ETV1: variants seen among roughly 807,000 people sequenced by gnomAD.
The protein encoded by ETV1 is ETS translocation variant 1.
A neutral mutation model predicts 62.3 loss-of-function variants in ETV1; 27 were observed. The ratio of observed to expected loss-of-function variants is 0.43; its 90% CI spans 0.32 to 0.60. The LOEUF (loss-of-function observed/expected upper bound fraction) is 0.60, where lower values mean the gene tolerates loss of function less well. Ranked by LOEUF, ETV1 falls within the 20% of genes least tolerant of loss-of-function variation. ETV1 has a pLI of 0.06. For synonymous variants in ETV1, 222 were observed against 199.6 expected, an observed-to-expected ratio of 1.11 and a Z score of -0.94; for missense variants, 605 against 605.8, an observed-to-expected ratio of 1.00 and a Z score of 0.01.
At chr7:13,948,498 C>T (rs1204502137) in intron 6 of ETV1, among the ~76,000 whole-genome samples, 1 of 152,108 alleles carries the variant, frequency 6.6e-6, no homozygotes, top group East Asian at 1.9e-4. Flanking sequence ...TTAGAATAGT[C>T]TTCTGTATGC....
At chr7:13,984,443 C>G (rs1399802631) in intron 5 of ETV1, among the ~76,000 whole-genome samples, 1 of 151,760 alleles carries the variant, frequency 6.6e-6, no homozygotes, top group African/African-American at 2.4e-5. Context: ...GTTAAAATAT[C>G]AGTGCAAAAT....
At position 13,895,835 on chromosome 7, in the gene ETV1, G is replaced by A. The variant is rs201226100; in HGVS notation, c.*31C>T. On this transcript the variant is annotated 3_prime_UTR_variant, in exon 14 of 14. Coordinates refer to ENST00000430479, the MANE Select transcript of ETV1 (RefSeq NM_004956.5). ...GTATCTTGCAGAAAAAAGGAAAAGCGCAAAAACGCCCTGCTTGACTGTCAC... is the reference window on the plus strand; with the variant it reads ...GTATCTTGCAGAAAAAAGGAAAAGCACAAAAACGCCCTGCTTGACTGTCAC... 4.2e-5 allele frequency: 64 copies of A among 1,525,700 alleles called. No homozygotes were observed. The East Asian group carries it at 5.7e-4, about 14-fold the overall frequency. The allele number at this position is 1,525,700 out of a possible 1,614,324, so 94.5% of individuals were successfully genotyped here.
At position 13,892,756 on chromosome 7, in the gene ETV1, A is replaced by T; in HGVS notation, c.*3110T>A. ...GACTATAGTAGAAGAGTATGTGACCATGGAAGCAGAGATTGAAGTGATGTA... is the reference window on the plus strand; with the variant it reads ...GACTATAGTAGAAGAGTATGTGACCTTGGAAGCAGAGATTGAAGTGATGTA... On this transcript the variant is annotated 3_prime_UTR_variant, in exon 14 of 14. Coordinates refer to ENST00000430479, the MANE Select transcript of ETV1 (RefSeq NM_004956.5). 1 of 232,300 alleles carries T rather than the reference A, an allele frequency of 4.3e-6. No individual in the cohort carries two copies. The highest frequency in any genetic ancestry group is 8.5e-6 in the Non-Finnish European group (1 of 117,464). The allele number at this position is 232,300 out of a possible 1,614,324, so 14.4% of individuals were successfully genotyped here. A position where few individuals can be genotyped will look rare whatever the true frequency, so the allele number is the denominator to read the frequency against.
At chr7:13,979,317 T>C (rs74982061) in intron 5 of ETV1, among the ~76,000 whole-genome samples, 4,448 of 152,104 alleles carry the variant, frequency 0.029, 91 homozygotes, top group Non-Finnish European at 0.046. Flanking sequence ...TTTCAAGTCA[T>C]CCACAAAAAA....
chr7:13,952,046 A>AAAAT (rs79453893), intron 6 of ETV1, among the ~76,000 whole-genome samples: 230 of 152,032 alleles, frequency 1.5e-3, no homozygotes, highest in Non-Finnish European at 1.8e-3. Flanking sequence ...CACTAAGAGC[A>AAAAT]AAATAAATAA....
chr7:13,935,368 G>C (rs1786682928), intron 8 of ETV1, among the ~76,000 whole-genome samples: 1 of 152,120 alleles, frequency 6.6e-6, no homozygotes, highest in Non-Finnish European at 1.5e-5. Context: ...TACAGAACAA[G>C]TACACACATA....
rs1035456888 is a variant in ETV1 at position 13,893,246 on chromosome 7, T to C, written c.*2620A>G. 7.3e-5 allele frequency: 17 copies of C among 232,242 alleles called. No individual in the cohort carries two copies. Among genetic ancestry groups the C allele is most frequent in the African/African-American group, 2.6e-4 (12 of 45,298 alleles). The allele number at this position is 232,242 out of a possible 1,614,324, so 14.4% of individuals were successfully genotyped here. On this transcript the variant is annotated 3_prime_UTR_variant, in exon 14 of 14. Transcript: ENST00000430479. Reference sequence around the variant, plus strand: ...TTCTATGTTTGAGTAGCCAATTCAATGAGAAATTCAAAACACAAGAATCTT... The same window carrying C: ...TTCTATGTTTGAGTAGCCAATTCAACGAGAAATTCAAAACACAAGAATCTT...
At chr7:13,897,177 T>C (rs1326284639) in intron 13 of ETV1, among the ~76,000 whole-genome samples, 1 of 152,144 alleles carries the variant, frequency 6.6e-6, no homozygotes, top group Non-Finnish European at 1.5e-5. Flanking sequence ...TGAATACAGT[T>C]CTTTCTATTA....
At position 13,945,233 on chromosome 7, in the gene ETV1, C is replaced by G. The variant is rs1316043867; in HGVS notation, c.236-5987G>C. ...TGCTCATAATTGAGCAAATTTGAATCCACTGTGATCTGATGTATGCCGCAT... is the reference window on the plus strand; with the variant it reads ...TGCTCATAATTGAGCAAATTTGAATGCACTGTGATCTGATGTATGCCGCAT... On this transcript the variant is annotated intron_variant, in intron 6 of 13. Transcript: ENST00000430479. Among the ~76,000 whole-genome samples, 3 of 152,258 alleles carry G rather than the reference C, an allele frequency of 2.0e-5. No homozygotes were observed. In the East Asian group the frequency reaches 5.8e-4, roughly 29 times the overall value.
At chr7:13,970,251 A>G (rs1001817920) in intron 6 of ETV1, among the ~76,000 whole-genome samples, 1 of 145,358 alleles carries the variant, frequency 6.9e-6, no homozygotes, top group Non-Finnish European at 1.5e-5. Flanking sequence ...ACAGAGCGAG[A>G]CCCCATCTCA....
At chr7:13,975,507 G>A (rs796747367) in intron 6 of ETV1, among the ~76,000 whole-genome samples, 24 of 146,746 alleles carry the variant, frequency 1.6e-4, no homozygotes, top group African/African-American at 4.8e-4. Context: ...AGCTTGCAGT[G>A]AGCCAAGATT....
At chr7:13,922,026 T>C (rs1431961913) in intron 9 of ETV1, among the ~76,000 whole-genome samples, 1 of 152,184 alleles carries the variant, frequency 6.6e-6, no homozygotes, top group East Asian at 1.9e-4. Context: ...CTAACTTCCA[T>C]TATTCAATAT....
intron 6 of ETV1, among the ~76,000 whole-genome samples, chr7:13,959,389 A>C (rs958121253): frequency 6.6e-6 from 1 of 152,166 alleles, no homozygotes; most frequent in African/African-American, 2.4e-5. Context: ...TAGTCCCAGC[A>C]TATGCTTCCC....
chr7:13,917,741 G>T (rs990237468), intron 9 of ETV1, among the ~76,000 whole-genome samples: 1 of 152,092 alleles, frequency 6.6e-6, no homozygotes, highest in Non-Finnish European at 1.5e-5. Flanking sequence ...AAGGTGGGTG[G>T]ATCATGAGGT....
Position 13,977,412 on chromosome 7 carries a change from T to C in ETV1, c.235+15A>G. The C allele has an allele frequency of 1.3e-6, 2 of 1,491,616 alleles. No individual in the cohort carries two copies. The highest frequency in any genetic ancestry group is 1.8e-6 in the Non-Finnish European group (2 of 1,096,778). 92.4% of individuals were successfully genotyped at this position (1,491,616 alleles called of 1,614,324 possible). On this transcript the variant is annotated intron_variant, in intron 6 of 13. Transcript: ENST00000430479. The stretch of plus-strand genomic sequence containing the variant: ...AAGACAGAAAAATACAAGAGATGAG[T>C]CATACTATACTTACAACTTTCAGCC...
intron 11 of ETV1, chr7:13,907,868 T>C (rs1489926909): frequency 4.3e-6 from 2 of 470,016 alleles, no homozygotes; most frequent in African/African-American, 4.0e-5. Flanking sequence ...TAAACCAAAA[T>C]ATAAAATGTG....
intron 6 of ETV1, among the ~76,000 whole-genome samples, chr7:13,960,847 A>G (rs952322179): frequency 4.6e-5 from 7 of 152,162 alleles, no homozygotes; most frequent in African/African-American, 1.7e-4. Flanking sequence ...GGGGGCTGAA[A>G]ATATAAGAAT....
chr7:13,919,270 A>G (rs1164000446), intron 9 of ETV1, among the ~76,000 whole-genome samples: 1 of 152,122 alleles, frequency 6.6e-6, no homozygotes, highest in African/African-American at 2.4e-5. Context: ...TCGTAAATGG[A>G]TGTCAGGCCC....
intron 13 of ETV1, 84 bp downstream of exon 13, chr7:13,900,654 G>T: frequency 1.0e-6 from 1 of 957,434 alleles, no homozygotes; most frequent in Non-Finnish European, 1.6e-6. Context: ...CTTCAGCAAT[G>T]CAATGATATG....
Sources: allele counts gnomAD v4.1 joint callset (sites outside exome capture counted in the v4.1 genomes callset), GRCh38; gene constraint gnomAD v4.1.1; transcripts MANE v1.5; gene names NCBI Gene and HGNC (gene_info 2026-07-23, HGNC 2026-07-21).